SDK1: variants seen among roughly 807,000 people sequenced by gnomAD.
The protein encoded by SDK1 is protein sidekick-1.
A neutral mutation model predicts 245.5 loss-of-function variants in SDK1; 157 were observed. The ratio of observed to expected loss-of-function variants is 0.64; its 90% CI spans 0.56 to 0.73. The LOEUF is 0.73. SDK1 is among the 30% of genes least tolerant of loss of function. The pLI, the probability that SDK1 is intolerant of heterozygous loss-of-function variation, is 0.00. For synonymous variants in SDK1, 1,647 were observed against 1,278.5 expected, an observed-to-expected ratio of 1.29 and a Z score of -6.15; for missense variants, 3,583 against 3,002.3, an observed-to-expected ratio of 1.19 and a Z score of -4.52.
At chr7:3,516,114 TTTTC>T (rs1468786485) in intron 1 of SDK1, among the ~76,000 whole-genome samples, 78 of 124,596 alleles carry the variant, frequency 6.3e-4, no homozygotes, top group African/African-American at 2.6e-3. Flanking sequence ...TCAGAAGATA[TTTTC>T]TTTTTTTTTT....
intron 14 of SDK1, among the ~76,000 whole-genome samples, chr7:4,005,112 C>T (rs1562653486): frequency 2.4e-5 from 3 of 127,182 alleles, no homozygotes; most frequent in Non-Finnish European, 3.1e-5. Flanking sequence ...GTGGCTTCAT[C>T]TTGGCTCACT....
chr7:3,855,934 TAATA>T (rs558312708), intron 5 of SDK1, among the ~76,000 whole-genome samples: 140 of 152,302 alleles, frequency 9.2e-4, no homozygotes, highest in African/African-American at 3.1e-3. Flanking sequence ...GTGAAAGAAT[TAATA>T]AATGATGTAC....
At chr7:3,438,036 A>T (rs976760639) in intron 1 of SDK1, among the ~76,000 whole-genome samples, 1 of 152,168 alleles carries the variant, frequency 6.6e-6, no homozygotes, top group Admixed American at 6.5e-5. Flanking sequence ...TCTGCATTTT[A>T]TAGATGAAGA....
intron 1 of SDK1, among the ~76,000 whole-genome samples, chr7:3,319,034 G>A (rs572991457): frequency 6.6e-6 from 1 of 152,016 alleles, no homozygotes; most frequent in Non-Finnish European, 1.5e-5. Flanking sequence ...CATTCATGAG[G>A]GGGGAGTAGG....
chr7:3,441,518 C>G (rs965417777), intron 1 of SDK1, among the ~76,000 whole-genome samples: 5 of 152,182 alleles, frequency 3.3e-5, no homozygotes, highest in African/African-American at 1.2e-4. Context: ...AATCACTTGT[C>G]CATGTATGTG....
intron 1 of SDK1, among the ~76,000 whole-genome samples, chr7:3,417,466 T>C (rs1779407121): frequency 6.6e-6 from 1 of 152,172 alleles, no homozygotes. Context: ...TTCTCTCTCT[T>C]ACTTGCTGCT....
In SDK1 at chr7:3,740,136, G is replaced by A. The variant is rs543005081; in HGVS notation, c.714-81314G>A. On this transcript the variant is annotated intron_variant, in intron 4 of 44. Transcript: ENST00000404826. ...AGGCTTGCCTGCTATGTGCTGGCAG[G>A]CAGTTTACAACCCTCCACTTGCTTG... Among the ~76,000 whole-genome samples, 4 of 152,266 alleles carry A rather than the reference G, an allele frequency of 2.6e-5. No homozygotes were observed. In the East Asian group the frequency reaches 7.7e-4, roughly 29 times the overall value.
intron 2 of SDK1, among the ~76,000 whole-genome samples, chr7:3,636,939 T>C (rs1013206341): frequency 6.6e-6 from 1 of 152,180 alleles, no homozygotes. Context: ...ATTAGGGACA[T>C]TGAGCTCTTT....
intron 1 of SDK1, among the ~76,000 whole-genome samples, chr7:3,511,604 A>G (rs1375970715): frequency 1.3e-5 from 2 of 152,078 alleles, no homozygotes; most frequent in Non-Finnish European, 2.9e-5. Context: ...TGATCTTTCT[A>G]ACCCTCTAGT....
intron 4 of SDK1, among the ~76,000 whole-genome samples, chr7:3,694,763 T>G (rs141774189): frequency 1.3e-5 from 2 of 152,184 alleles, no homozygotes; most frequent in Admixed American, 6.5e-5. Context: ...CCTACGTTTT[T>G]ACAAACATCC....
intron 4 of SDK1, among the ~76,000 whole-genome samples, chr7:3,821,168 T>TATCCA (rs1199301690): frequency 6.6e-6 from 1 of 152,214 alleles, no homozygotes; most frequent in Non-Finnish European, 1.5e-5. Flanking sequence ...GAACTCTGGA[T>TATCCA]GTCTATGTTC....
intron 44 of SDK1, among the ~76,000 whole-genome samples, chr7:4,253,301 G>C (rs1477930633): frequency 6.6e-6 from 1 of 152,118 alleles, no homozygotes; most frequent in East Asian, 1.9e-4. Flanking sequence ...TGTGTTAGCT[G>C]AATCTCATAA....
intron 5 of SDK1, among the ~76,000 whole-genome samples, chr7:3,888,459 A>G (rs1054259049): frequency 3.3e-5 from 5 of 152,234 alleles, no homozygotes; most frequent in Non-Finnish European, 7.3e-5. Context: ...GTGGATTCAC[A>G]GAGGCCCTTG....
chr7:3,382,277 C>G (rs866540132), intron 1 of SDK1, among the ~76,000 whole-genome samples: 3 of 151,842 alleles, frequency 2.0e-5, no homozygotes. Context: ...ACCCTTTATC[C>G]CCATTTTAAA....
rs147569167 is a variant in SDK1 at position 3,607,616 on chromosome 7, T to C, written c.299-11464T>C. Among the ~76,000 whole-genome samples the C allele has an allele frequency of 3.3e-5, 5 of 152,250 alleles. No individual in the cohort carries two copies. The East Asian group carries it at 9.6e-4, about 29-fold the overall frequency. The stretch of plus-strand genomic sequence containing the variant: ...TCTAGAATTCTGAAGTAATTGAAAG[T>C]ATGAATGCTTTCTTTTCTTTAAATT... On this transcript the variant is annotated intron_variant, in intron 1 of 44. Coordinates refer to ENST00000404826, the MANE Select transcript of SDK1 (RefSeq NM_152744.4).
At chr7:3,888,321 G>T (rs1257660278) in intron 5 of SDK1, among the ~76,000 whole-genome samples, 2 of 152,206 alleles carry the variant, frequency 1.3e-5, no homozygotes, top group Non-Finnish European at 2.9e-5. Context: ...CCATCCCACA[G>T]TCTGGCCCAC....
At chr7:3,709,187 T>G (rs1453046995) in intron 4 of SDK1, among the ~76,000 whole-genome samples, 2 of 152,212 alleles carry the variant, frequency 1.3e-5, no homozygotes, top group Non-Finnish European at 2.9e-5. Flanking sequence ...TTATTTCTCC[T>G]TCAATTATGA....
At chr7:3,736,407 C>G (rs997945857) in intron 4 of SDK1, among the ~76,000 whole-genome samples, 3 of 152,128 alleles carry the variant, frequency 2.0e-5, no homozygotes, top group Non-Finnish European at 1.5e-5. Flanking sequence ...CTTCTCCTGC[C>G]TCAGCCTCCC....
rs745965948 is a variant in SDK1, at chr7:3,639,057, T to C, written c.512T>C (p.Val171Ala). ...KLDAGFYRCV[V>A]RNRMGALLQR... ...GATGCTGGGTTTTACCGCTGCGTGG[T>C]GCGAAACAGAATGGGAGCACTCCTG... Residue 171 changes from valine to alanine, a missense_variant, in exon 3 of 45, where the codon GTG becomes GCG. By Grantham distance (64) the Val-to-Ala change is moderately conservative. Transcript: ENST00000404826. 3.1e-6 allele frequency: 5 copies of C among 1,605,462 alleles called. No homozygotes were observed. The highest frequency in any genetic ancestry group is 4.3e-6 in the Non-Finnish European group (5 of 1,173,558).
Sources: gnomAD v4.1 joint callset for allele counts (sites outside exome capture counted in the v4.1 genomes callset) on GRCh38, gnomAD v4.1.1 for gene constraint, MANE v1.5 for transcripts, NCBI Gene and HGNC (gene_info 2026-07-23, HGNC 2026-07-21) for gene names.